Variants in ABI1 observed in about 807,000 individuals in gnomAD.
ABI1 encodes abl interactor 1.
Under a neutral mutation model 54.6 loss-of-function variants are expected in ABI1, and 14 were observed. That is an observed-to-expected ratio of 0.26 (90% CI 0.17 to 0.40). The LOEUF is 0.40. Among genes scored for constraint, ABI1 ranks in the 10% least tolerant of loss-of-function variants. ABI1 has a pLI of 1.00. For synonymous variants in ABI1, 194 were observed against 209.3 expected (o/e 0.93, Z 0.63); for missense variants, 443 against 598.3 (o/e 0.74, Z 2.71).
chr10:26,858,537 GAAAAAAAAAAAAAAA>G (rs60132421), intron 1 of ABI1, among the ~76,000 whole-genome samples: 1 of 94,242 alleles, frequency 1.1e-5, no homozygotes, highest in African/African-American at 3.7e-5. Context: ...CACAAAAAAA[GAAAAAAAAAAAAAAA>G]AAAAAAAAAA....
At chr10:26,842,991 C>T (rs1428727381) in intron 1 of ABI1, among the ~76,000 whole-genome samples, 1 of 152,064 alleles carries the variant, frequency 6.6e-6, no homozygotes, top group Non-Finnish European at 1.5e-5. Flanking sequence ...CTGCAGTGAA[C>T]CAAGATCTAG....
chr10:26,762,948 C>T (rs546798707), intron 7 of ABI1, among the ~76,000 whole-genome samples: 20 of 152,306 alleles, frequency 1.3e-4, no homozygotes, highest in African/African-American at 4.3e-4. Context: ...TCCTCACCAA[C>T]ACACATCCTC....
At chr10:26,758,932 TA>T (rs1198452192) in intron 8 of ABI1, 129 bp downstream of exon 8, 17 of 1,006,020 alleles carry the variant, frequency 1.7e-5, no homozygotes, top group Non-Finnish European at 2.5e-5. Flanking sequence ...ACTAATATCC[TA>T]AAACAAAAAT....
intron 1 of ABI1, among the ~76,000 whole-genome samples, chr10:26,827,600 T>TG (rs941214118): frequency 2.3e-4 from 34 of 149,582 alleles, no homozygotes; most frequent in Admixed American, 9.3e-4. Flanking sequence ...TTTTTTGTTT[T>TG]TTTTTTTTTT....
intron 1 of ABI1, among the ~76,000 whole-genome samples, chr10:26,847,633 C>A (rs1589068326): frequency 1.3e-5 from 2 of 150,672 alleles, no homozygotes; most frequent in South Asian, 2.1e-4. Flanking sequence ...TTAAAAAAAA[C>A]AAGCAAAATT....
intron 2 of ABI1, among the ~76,000 whole-genome samples, chr10:26,801,374 C>T (rs1365824848): frequency 2.0e-5 from 3 of 152,078 alleles, no homozygotes; most frequent in Admixed American, 2.0e-4. Context: ...TGGCAAAACC[C>T]TGTCTCTACA....
At chr10:26,823,428 C>G in intron 1 of ABI1, 123 bp from the exon 2 acceptor site, 2 of 805,334 alleles carry the variant, frequency 2.5e-6, no homozygotes, top group South Asian at 5.8e-5. Flanking sequence ...ACTCACTGTA[C>G]CAATATGATA....
chr10:26,826,364 A>G (rs1006014506), intron 1 of ABI1, among the ~76,000 whole-genome samples: 1 of 152,226 alleles, frequency 6.6e-6, no homozygotes, highest in African/African-American at 2.4e-5. Context: ...GGCTTAAAAG[A>G]TTCCATAAAC....
At chr10:26,813,571 C>T (rs1299059066) in intron 2 of ABI1, among the ~76,000 whole-genome samples, 5 of 152,196 alleles carry the variant, frequency 3.3e-5, no homozygotes, top group African/African-American at 9.7e-5. Context: ...AGTTCTCTGA[C>T]TGATCTAAAG....
At chr10:26,786,375 C>T (rs898410059) in intron 2 of ABI1, among the ~76,000 whole-genome samples, 3 of 152,008 alleles carry the variant, frequency 2.0e-5, no homozygotes, top group Admixed American at 6.6e-5. Context: ...CCCCCACACC[C>T]GGCTTATTTT....
chr10:26,804,561 C>T (rs529291743), intron 2 of ABI1, among the ~76,000 whole-genome samples: 1 of 151,922 alleles, frequency 6.6e-6, no homozygotes. Flanking sequence ...AATGTTTATT[C>T]GAAGTGGGAA....
At chr10:26,810,329 C>A (rs995126315) in intron 2 of ABI1, among the ~76,000 whole-genome samples, 5 of 152,116 alleles carry the variant, frequency 3.3e-5, no homozygotes, top group African/African-American at 1.2e-4. Flanking sequence ...TATCATCATG[C>A]AATCTGCACC....
Position 26,759,254 on chromosome 10 carries a change from C to T in ABI1, c.821-16G>A. 1 of 1,610,460 alleles carries T rather than the reference C, an allele frequency of 6.2e-7. No individual in the cohort carries two copies. The highest frequency in any genetic ancestry group is 1.1e-5 in the South Asian group (1 of 90,430). ...CCCGGGGCTGCTGAAAAGCATTAGT[C>T]AAAGGCAACCAACAAAGAGACTTGA... is the stretch of plus-strand genomic sequence containing the variant. On this transcript the variant is annotated splice_polypyrimidine_tract_variant and intron_variant, in intron 7 of 10. Transcript: ENST00000376140.
At chr10:26,829,997 C>T (rs1248470687) in intron 1 of ABI1, among the ~76,000 whole-genome samples, 4 of 152,202 alleles carry the variant, frequency 2.6e-5, no homozygotes, top group Admixed American at 6.5e-5. Context: ...AAACCACTGA[C>T]TTCCTTTCTG....
chr10:26,852,039 G>C (rs1214890837), intron 1 of ABI1, among the ~76,000 whole-genome samples: 1 of 152,078 alleles, frequency 6.6e-6, no homozygotes, highest in Non-Finnish European at 1.5e-5. Context: ...AAAGTCTGTA[G>C]ACCCAGCTAC....
chr10:26,829,798 G>C (rs1233555856), intron 1 of ABI1, among the ~76,000 whole-genome samples: 1 of 152,024 alleles, frequency 6.6e-6, no homozygotes, highest in Non-Finnish European at 1.5e-5. Context: ...AGGATGCTAT[G>C]GATCACCTCA....
At chr10:26,759,675 AC>A (rs1225517478) in intron 7 of ABI1, among the ~76,000 whole-genome samples, 1 of 152,028 alleles carries the variant, frequency 6.6e-6, no homozygotes, top group African/African-American at 2.4e-5. Flanking sequence ...CTTCCTTTCC[AC>A]TGACAAAACT....
chr10:26,820,492 G>A (rs1039527102), intron 2 of ABI1, among the ~76,000 whole-genome samples: 3 of 151,736 alleles, frequency 2.0e-5, no homozygotes, highest in African/African-American at 7.3e-5. Context: ...TAACCCCTGG[G>A]TCAGAAAGAA....
chr10:26,838,013 CTCTTAA>C (rs1307428654), intron 1 of ABI1, among the ~76,000 whole-genome samples: 2 of 150,232 alleles, frequency 1.3e-5, no homozygotes, highest in African/African-American at 5.0e-5. Context: ...CTTTACACAA[CTCTTAA>C]TCTTATTACT....
Sources: allele counts gnomAD v4.1 joint callset (sites outside exome capture counted in the v4.1 genomes callset), GRCh38; gene constraint gnomAD v4.1.1; transcripts MANE v1.5; gene names NCBI Gene and HGNC (gene_info 2026-07-23, HGNC 2026-07-21).